The following DIAPH3 variants were observed in gnomAD, a reference collection of about 807,000 sequenced individuals.
The protein encoded by DIAPH3 is diaphanous related formin 3.
In DIAPH3, 117 loss-of-function variants were observed where a neutral mutation model predicts 144.3. The observed-to-expected ratio is 0.81, with a 90% CI of 0.70 to 0.95. DIAPH3 has a LOEUF of 0.95. Ranked by LOEUF, DIAPH3 falls within the 40% of genes least tolerant of loss-of-function variation. The pLI is 0.00. For synonymous variants in DIAPH3, 519 were observed against 488.9 expected (o/e 1.06, Z -0.81); for missense variants, 1,421 against 1,412.7 (o/e 1.01, Z -0.09).
chr13:60,162,248 C>T lies in DIAPH3; in HGVS notation c.180+1339G>A, dbSNP rs143699706. ...CCTTCAATGAAACTTAACATAAATACTAATTTAGATCCTGTTTTCATGACC... is the reference window on the plus strand; with the variant it reads ...CCTTCAATGAAACTTAACATAAATATTAATTTAGATCCTGTTTTCATGACC... On this transcript the variant is annotated intron_variant, in intron 1 of 27. Coordinates refer to ENST00000400324, the MANE Select transcript of DIAPH3 (RefSeq NM_001042517.2). Among the ~76,000 whole-genome samples the T allele has an allele frequency of 1.4e-3, 206 of 152,260 alleles. 3 individuals carry two copies. In the East Asian group the frequency reaches 0.033, roughly 24 times the overall value.
intron 17 of DIAPH3, among the ~76,000 whole-genome samples, chr13:59,926,587 T>C (rs1403995897): frequency 6.6e-6 from 1 of 152,196 alleles, no homozygotes; most frequent in Non-Finnish European, 1.5e-5. Flanking sequence ...ACTAATTGTC[T>C]AACTGGACAT....
At chr13:60,070,069 C>T (rs1470592734) in intron 4 of DIAPH3, among the ~76,000 whole-genome samples, 1 of 151,978 alleles carries the variant, frequency 6.6e-6, no homozygotes, top group Non-Finnish European at 1.5e-5. Flanking sequence ...TTGCTTTGGG[C>T]AGTATGGCCA....
intron 25 of DIAPH3, among the ~76,000 whole-genome samples, chr13:59,804,748 A>G (rs931838285): frequency 5.9e-5 from 9 of 152,320 alleles, no homozygotes; most frequent in Non-Finnish European, 8.8e-5. Flanking sequence ...TGCCAATAAC[A>G]CTAAAAAACT....
chr13:59,923,648 C>A (rs902395325), intron 18 of DIAPH3, among the ~76,000 whole-genome samples: 4 of 152,140 alleles, frequency 2.6e-5, no homozygotes, highest in African/African-American at 7.2e-5. Context: ...ACATTAACTC[C>A]ACTCCCATCT....
chr13:59,750,553 G>A (rs1383190823), intron 27 of DIAPH3, among the ~76,000 whole-genome samples: 1 of 152,140 alleles, frequency 6.6e-6, no homozygotes, highest in Non-Finnish European at 1.5e-5. Flanking sequence ...TTTATGTTGA[G>A]TTTATTTTCA....
At chr13:60,093,937 TA>T (rs1266588960) in intron 3 of DIAPH3, among the ~76,000 whole-genome samples, 1 of 152,156 alleles carries the variant, frequency 6.6e-6, no homozygotes, top group African/African-American at 2.4e-5. Flanking sequence ...TTTTAACAGG[TA>T]AAACACTTAC....
intron 17 of DIAPH3, among the ~76,000 whole-genome samples, chr13:59,955,242 T>TC (rs1042954310): frequency 1.3e-5 from 2 of 152,000 alleles, no homozygotes; most frequent in African/African-American, 4.8e-5. Flanking sequence ...GAATTCTAGC[T>TC]CCCATAATCC....
chr13:60,084,342 T>C (rs1261686561), intron 4 of DIAPH3, among the ~76,000 whole-genome samples: 1 of 151,932 alleles, frequency 6.6e-6, no homozygotes, highest in African/African-American at 2.4e-5. Context: ...CGACAAACGG[T>C]TTTTTTCTTT....
chr13:59,793,099 G>A (rs2039409846), intron 25 of DIAPH3, among the ~76,000 whole-genome samples: 1 of 152,148 alleles, frequency 6.6e-6, no homozygotes, highest in African/African-American at 2.4e-5. Flanking sequence ...ACCACTTGAT[G>A]AAAGCTTCCT....
intron 27 of DIAPH3, among the ~76,000 whole-genome samples, chr13:59,689,993 T>A (rs1052313114): frequency 2.6e-5 from 4 of 152,034 alleles, no homozygotes; most frequent in African/African-American, 9.7e-5. Context: ...ATTTGCACAA[T>A]GTCACTTTAC....
chr13:59,905,342 CAAAAAAAAAA>C (rs59114311), intron 20 of DIAPH3, among the ~76,000 whole-genome samples: 4 of 69,758 alleles, frequency 5.7e-5, no homozygotes, highest in Admixed American at 1.9e-4. Flanking sequence ...GACTCTGTCT[CAAAAAAAAAA>C]AAAAAAAAAA....
intron 17 of DIAPH3, among the ~76,000 whole-genome samples, chr13:59,950,474 G>T (rs1174929897): frequency 6.6e-6 from 1 of 152,104 alleles, no homozygotes; most frequent in Non-Finnish European, 1.5e-5. Flanking sequence ...GAGTAGAGTA[G>T]GCAGAAGACA....
At chr13:59,956,000 T>A (rs896015692) in intron 17 of DIAPH3, among the ~76,000 whole-genome samples, 1 of 152,158 alleles carries the variant, frequency 6.6e-6, no homozygotes, top group African/African-American at 2.4e-5. Flanking sequence ...GCATTCAAGA[T>A]GTGACTTGGG....
In DIAPH3 at chr13:59,881,828, TC is replaced by T. The variant is rs373320830; in HGVS notation, c.2368-2361del. On this transcript the variant is annotated intron_variant, in intron 20 of 27. Transcript: ENST00000400324. ...CAACACTTAAAAAAAAAATTAGATG[TC>T]CTTTTCCTATTGTTCTTTCTTCCAA... is the stretch of plus-strand genomic sequence containing the variant. 4.1e-4 allele frequency among the ~76,000 whole-genome samples: 63 copies of T among 152,272 alleles called. 2 individuals are homozygous for T. In the South Asian group the frequency reaches 0.013, roughly 32 times the overall value.
intron 27 of DIAPH3, among the ~76,000 whole-genome samples, chr13:59,747,842 T>C (rs528331625): frequency 1.3e-5 from 2 of 152,344 alleles, no homozygotes; most frequent in Non-Finnish European, 2.9e-5. Flanking sequence ...CTTTTCCGCA[T>C]AGTCAACTCT....
In DIAPH3 at chr13:59,879,209, T is replaced by G; in HGVS notation, c.2607+20A>C. ...AGCAAGTGTTCAGGCAAATATGTGT[T>G]TTTAAAAAAACAAACTCACTTTACA... is the stretch of plus-strand genomic sequence containing the variant. On this transcript the variant is annotated intron_variant, in intron 21 of 27. Coordinates refer to ENST00000400324, the MANE Select transcript of DIAPH3 (RefSeq NM_001042517.2). 1 of 1,613,472 alleles carries G rather than the reference T, an allele frequency of 6.2e-7. No individual in the cohort carries two copies. The highest frequency in any genetic ancestry group is 8.5e-7 in the Non-Finnish European group (1 of 1,179,596).
intron 22 of DIAPH3, among the ~76,000 whole-genome samples, chr13:59,847,766 C>T (rs544239208): frequency 6.6e-6 from 1 of 152,246 alleles, no homozygotes; most frequent in South Asian, 2.1e-4. Context: ...TTTTCACTTG[C>T]TGCTATTGGA....
At chr13:60,155,495 G>T (rs1374350322) in intron 1 of DIAPH3, among the ~76,000 whole-genome samples, 1 of 152,124 alleles carries the variant, frequency 6.6e-6, no homozygotes, top group Non-Finnish European at 1.5e-5. Context: ...TATTAAGAAG[G>T]ATAGAAAGGA....
intron 3 of DIAPH3, among the ~76,000 whole-genome samples, chr13:60,100,058 A>T (rs1253895648): frequency 6.6e-6 from 1 of 152,202 alleles, no homozygotes; most frequent in Non-Finnish European, 1.5e-5. Flanking sequence ...ATAGTATTAG[A>T]TTATAACCTA....
Sources: gnomAD v4.1 joint callset for allele counts (sites outside exome capture counted in the v4.1 genomes callset) on GRCh38, gnomAD v4.1.1 for gene constraint, MANE v1.5 for transcripts, NCBI Gene and HGNC (gene_info 2026-07-23, HGNC 2026-07-21) for gene names.